Variants in CSMD1 observed in about 807,000 individuals in gnomAD.
The protein encoded by CSMD1 is CUB and Sushi multiple domains 1, also known as CUB and sushi domain-containing protein 1.
Under a neutral mutation model 417.5 loss-of-function variants are expected in CSMD1, and 213 were observed. The ratio of observed to expected loss-of-function variants is 0.51; its 90% CI spans 0.46 to 0.57. The LOEUF (loss-of-function observed/expected upper bound fraction) is 0.57, where lower values mean the gene tolerates loss of function less well. Ranked by LOEUF, CSMD1 falls within the 20% of genes least tolerant of loss-of-function variation. CSMD1 has a pLI of 0.00. For synonymous variants in CSMD1, 2,862 were observed against 1,736.8 expected, an observed-to-expected ratio of 1.65 and a Z score of -16.11; for missense variants, 6,923 against 4,529.7, an observed-to-expected ratio of 1.53 and a Z score of -15.17.
intron 10 of CSMD1, among the ~76,000 whole-genome samples, chr8:3,535,060 G>C (rs979094407): frequency 6.6e-6 from 1 of 152,110 alleles, no homozygotes; most frequent in African/African-American, 2.4e-5. Context: ...CCAGTCTCCT[G>C]CCTCAGCCTA....
chr8:4,332,873 T>A (rs1799954826), intron 3 of CSMD1, among the ~76,000 whole-genome samples: 1 of 151,964 alleles, frequency 6.6e-6, no homozygotes, highest in Admixed American at 6.6e-5. Context: ...CACAAAGGAA[T>A]GTTTTTGAGA....
At chr8:3,217,089 A>G (rs1797925565) in intron 29 of CSMD1, among the ~76,000 whole-genome samples, 1 of 152,176 alleles carries the variant, frequency 6.6e-6, no homozygotes, top group Non-Finnish European at 1.5e-5. Context: ...GCTGGATACA[A>G]TAGCATCACT....
At chr8:3,985,447 G>C (rs1481418769) in intron 5 of CSMD1, among the ~76,000 whole-genome samples, 1 of 151,922 alleles carries the variant, frequency 6.6e-6, no homozygotes, top group Admixed American at 6.6e-5. Context: ...ACACACCTGG[G>C]CGTGCACACT....
intron 54 of CSMD1, among the ~76,000 whole-genome samples, chr8:2,994,353 C>T (rs1056868250): frequency 1.3e-5 from 2 of 152,002 alleles, no homozygotes; most frequent in Admixed American, 6.5e-5. Flanking sequence ...AGTAACATTG[C>T]CTTGCAGTGG....
At chr8:4,225,502 A>AG (rs1801293207) in intron 3 of CSMD1, among the ~76,000 whole-genome samples, 1 of 62,284 alleles carries the variant, frequency 1.6e-5, no homozygotes, top group African/African-American at 4.8e-5. Flanking sequence ...GCAACTCATC[A>AG]CTTTTTTTTT....
intron 2 of CSMD1, among the ~76,000 whole-genome samples, chr8:4,578,239 C>A (rs993033360): frequency 6.6e-6 from 1 of 151,424 alleles, no homozygotes; most frequent in Non-Finnish European, 1.5e-5. Flanking sequence ...CGGCTCACTG[C>A]AAGCTCTGCC....
intron 5 of CSMD1, among the ~76,000 whole-genome samples, chr8:3,764,829 C>T (rs1055110728): frequency 1.3e-5 from 2 of 150,474 alleles, no homozygotes; most frequent in African/African-American, 2.4e-5. Flanking sequence ...TCAGTGAAAC[C>T]TCTGCTGCCT....
intron 5 of CSMD1, among the ~76,000 whole-genome samples, chr8:3,754,887 G>T (rs908276069): frequency 6.6e-6 from 1 of 152,194 alleles, no homozygotes; most frequent in African/African-American, 2.4e-5. Flanking sequence ...AAGTAAAGAA[G>T]AGGACCATTT....
intron 1 of CSMD1, among the ~76,000 whole-genome samples, chr8:4,777,603 T>C (rs1467431880): frequency 6.6e-6 from 1 of 152,212 alleles, no homozygotes; most frequent in Non-Finnish European, 1.5e-5. Flanking sequence ...AGAATGTACA[T>C]ACCCTTTGAT....
intron 1 of CSMD1, among the ~76,000 whole-genome samples, chr8:4,640,923 C>T (rs781024387): frequency 1.3e-5 from 2 of 149,716 alleles, no homozygotes; most frequent in African/African-American, 4.9e-5. Context: ...CCGGAAGTCA[C>T]CCTGAAATAA....
chr8:3,525,952 C>T (rs1340021751), intron 10 of CSMD1, among the ~76,000 whole-genome samples: 1 of 152,150 alleles, frequency 6.6e-6, no homozygotes, highest in Non-Finnish European at 1.5e-5. Flanking sequence ...TTAAGCCTTA[C>T]AACAATTCTT....
At chr8:3,674,046 C>T (rs1470817701) in intron 7 of CSMD1, among the ~76,000 whole-genome samples, 1 of 152,084 alleles carries the variant, frequency 6.6e-6, no homozygotes, top group African/African-American at 2.4e-5. Flanking sequence ...GCAGAGGTTG[C>T]AATGAGCCAT....
intron 23 of CSMD1, among the ~76,000 whole-genome samples, chr8:3,331,074 T>C (rs1478893221): frequency 6.6e-6 from 1 of 151,860 alleles, no homozygotes; most frequent in Non-Finnish European, 1.5e-5. Context: ...CCATCTCTAC[T>C]AAAAATACAA....
intron 2 of CSMD1, among the ~76,000 whole-genome samples, chr8:4,445,187 T>C (rs535226279): frequency 2.0e-4 from 31 of 152,330 alleles, no homozygotes; most frequent in East Asian, 1.9e-3. Context: ...TTTTTTTTAA[T>C]GTGCAGAATC....
At chr8:3,040,819 G>T (rs1355601003) in intron 50 of CSMD1, among the ~76,000 whole-genome samples, 2 of 151,600 alleles carry the variant, frequency 1.3e-5, no homozygotes, top group Non-Finnish European at 2.9e-5. Flanking sequence ...ATAATAATAA[G>T]ATTATAAATT....
chr8:3,349,779 CTAAATA>C (rs1180240144), intron 21 of CSMD1, among the ~76,000 whole-genome samples: 7 of 120,782 alleles, frequency 5.8e-5, no homozygotes, highest in Admixed American at 9.9e-5. Context: ...AGATATAAGT[CTAAATA>C]TAAATATATC....
intron 3 of CSMD1, among the ~76,000 whole-genome samples, chr8:4,309,607 T>C (rs75579519): frequency 0.63 from 95,489 of 151,230 alleles, 31,082 homozygotes; most frequent in East Asian, 0.86. Flanking sequence ...AGCACTCCCA[T>C]TTTAGTACAA....
intron 1 of CSMD1, among the ~76,000 whole-genome samples, chr8:4,916,951 G>C (rs1329114341): frequency 1.3e-5 from 2 of 152,158 alleles, no homozygotes; most frequent in Non-Finnish European, 2.9e-5. Context: ...CATGTCATTA[G>C]GCATCCGCAG....
intron 46 of CSMD1, among the ~76,000 whole-genome samples, chr8:3,102,199 G>A (rs1002708051): frequency 2.6e-5 from 4 of 152,088 alleles, no homozygotes; most frequent in African/African-American, 7.2e-5. Flanking sequence ...GAGCACAATC[G>A]AATCAATCAA....
Sources: allele counts gnomAD v4.1 joint callset (sites outside exome capture counted in the v4.1 genomes callset), GRCh38; gene constraint gnomAD v4.1.1; transcripts MANE v1.5; gene names NCBI Gene and HGNC (gene_info 2026-07-23, HGNC 2026-07-21).